Variants in PCDHA13 observed in about 807,000 individuals in gnomAD.
PCDHA13 encodes the protein protocadherin alpha 13.
A neutral mutation model predicts 64.8 loss-of-function variants in PCDHA13; 54 were observed. The ratio of observed to expected loss-of-function variants is 0.83; its 90% confidence interval spans 0.67 to 1.04. The LOEUF (loss-of-function observed/expected upper bound fraction) is 1.04. Ranked by LOEUF, PCDHA13 falls within the 50% of genes least tolerant of loss-of-function variation. The pLI, the probability that PCDHA13 is intolerant of heterozygous loss-of-function variation, is 0.00. For synonymous variants in PCDHA13, 587 were observed against 564.4 expected (o/e 1.04, Z -0.57); for missense variants, 1,248 against 1,254.3 (o/e 0.99, Z 0.08).
intron 1 of PCDHA13, among the ~76,000 whole-genome samples, chr5:140,889,342 A>G (rs1418641372): frequency 6.6e-6 from 1 of 152,018 alleles, no homozygotes; most frequent in East Asian, 1.9e-4. Context: ...GATTGGTGGG[A>G]ATATTTCTGA....
At chr5:140,989,315 C>T (rs1285439327) in intron 3 of PCDHA13, among the ~76,000 whole-genome samples, 1 of 152,130 alleles carries the variant, frequency 6.6e-6, no homozygotes, top group East Asian at 1.9e-4. Flanking sequence ...AGTAGGGTCT[C>T]ACCAACTTTG....
chr5:140,882,249 T>C lies in PCDHA13; in HGVS notation c.-20T>C, dbSNP rs1412428548. Reference sequence around the variant, plus strand: ...GCGTTGTATATATTGCAGATAGCTCTGAGGTTTTTGGAGTGTACCATGCTG... The same window carrying C: ...GCGTTGTATATATTGCAGATAGCTCCGAGGTTTTTGGAGTGTACCATGCTG... On this transcript the variant is annotated 5_prime_UTR_variant, in exon 1 of 4. Coordinates refer to ENST00000289272, the MANE Select transcript of PCDHA13 (RefSeq NM_018904.3). The C allele has an allele frequency of 6.3e-7, 1 of 1,595,264 alleles. No individual in the cohort carries two copies. The highest frequency in any genetic ancestry group is 8.5e-7 in the Non-Finnish European group (1 of 1,169,670).
chr5:140,929,085 G>A, intron 1 of PCDHA13: 1 of 1,614,174 alleles, frequency 6.2e-7, no homozygotes, highest in Non-Finnish European at 8.5e-7. Flanking sequence ...GAAGTAAGAT[G>A]GTTTCAAATC....
At chr5:140,905,669 A>T (rs781948009) in intron 1 of PCDHA13, among the ~76,000 whole-genome samples, 1 of 152,228 alleles carries the variant, frequency 6.6e-6, no homozygotes, top group Non-Finnish European at 1.5e-5. Flanking sequence ...ATCCATTAAC[A>T]TGGAACATAT....
chr5:140,922,162 A>G (rs2080680842), intron 1 of PCDHA13, among the ~76,000 whole-genome samples: 1 of 146,764 alleles, frequency 6.8e-6, no homozygotes, highest in African/African-American at 2.5e-5. Flanking sequence ...AAAAACAACA[A>G]AAAGTACAGC....
In PCDHA13 at chr5:140,927,920, T is replaced by C. The variant is rs782193396; in HGVS notation, c.2394+43258T>C. Reference sequence around the variant, plus strand: ...GATCATGCCCCCGAACTGGACTTCCTGACTCTTTCGAACCCAGTACCTGAG... The same window carrying C: ...GATCATGCCCCCGAACTGGACTTCCCGACTCTTTCGAACCCAGTACCTGAG... On this transcript the variant is annotated intron_variant, in intron 1 of 3. Transcript: ENST00000289272. 6.2e-6 allele frequency: 10 copies of C among 1,614,120 alleles called. No individual in the cohort carries two copies. In the South Asian group the frequency reaches 1.1e-4, roughly 18 times the overall value.
chr5:141,007,394 A>G (rs2098323051), intron 3 of PCDHA13, among the ~76,000 whole-genome samples: 16 of 86,170 alleles, frequency 1.9e-4, no homozygotes, highest in Non-Finnish European at 3.5e-4. Context: ...CTACTAAAAT[A>G]CAAAAAAAAA....
intron 1 of PCDHA13, chr5:140,928,757 G>A (rs372744198): frequency 6.2e-7 from 1 of 1,613,974 alleles, no homozygotes; most frequent in African/African-American, 1.3e-5. Flanking sequence ...CGTACTGCTC[G>A]CTTAGTTCTT....
chr5:140,982,413 G>A, intron 2 of PCDHA13, 62 bp from the exon 3 acceptor site: 2 of 1,609,608 alleles, frequency 1.2e-6, no homozygotes, highest in Non-Finnish European at 1.7e-6. Flanking sequence ...TTCTGAGGGT[G>A]GAAGAAGAGA....
chr5:140,990,198 C>T (rs954813003), intron 3 of PCDHA13, among the ~76,000 whole-genome samples: 5 of 151,968 alleles, frequency 3.3e-5, no homozygotes, highest in South Asian at 2.1e-4. Context: ...AATGTGGACC[C>T]GAAAGAGAAC....
At chr5:140,967,371 A>C in intron 1 of PCDHA13, 1 of 1,607,094 alleles carries the variant, frequency 6.2e-7, no homozygotes, top group Non-Finnish European at 8.5e-7. Context: ...CCCCTGCAGG[A>C]GAACAGTAAA....
At chr5:140,965,880 A>G (rs1414604415) in intron 1 of PCDHA13, among the ~76,000 whole-genome samples, 1 of 152,190 alleles carries the variant, frequency 6.6e-6, no homozygotes, top group Non-Finnish European at 1.5e-5. Context: ...CTTGGCCGAG[A>G]GCAGAATTGA....
At chr5:140,964,383 G>A (rs543441248) in intron 1 of PCDHA13, among the ~76,000 whole-genome samples, 1 of 152,142 alleles carries the variant, frequency 6.6e-6, no homozygotes, top group Non-Finnish European at 1.5e-5. Context: ...GAGAGTCCTG[G>A]TTTTTCTCCC....
At position 140,887,996 on chromosome 5, in the gene PCDHA13, AAT is replaced by A. The variant is rs1258672316; in HGVS notation, c.2394+3336_2394+3337del. 4.6e-5 allele frequency among the ~76,000 whole-genome samples: 7 copies of A among 152,330 alleles called. No individual in the cohort carries two copies. In the East Asian group the frequency reaches 7.7e-4, roughly 17 times the overall value. ...AAATTTATTTTACATGTCTCCACCGAATAGTCATCTTTTTATCTATATGTTTG... is the reference window on the plus strand; with the variant it reads ...AAATTTATTTTACATGTCTCCACCGAAGTCATCTTTTTATCTATATGTTTG... On this transcript the variant is annotated intron_variant, in intron 1 of 3. Coordinates refer to ENST00000289272, the MANE Select transcript of PCDHA13 (RefSeq NM_018904.3).
At chr5:140,985,712 A>G (rs1319708410) in intron 3 of PCDHA13, among the ~76,000 whole-genome samples, 2 of 148,826 alleles carry the variant, frequency 1.3e-5, no homozygotes, top group Non-Finnish European at 3.0e-5. Context: ...TGTTTCTTAA[A>G]GTTATTTTTC....
At chr5:140,920,713 G>A (rs140720388) in intron 1 of PCDHA13, among the ~76,000 whole-genome samples, 41 of 152,140 alleles carry the variant, frequency 2.7e-4, no homozygotes, top group African/African-American at 9.6e-4. Context: ...GCATGGTGGT[G>A]TGCGCCTGCA....
intron 1 of PCDHA13, among the ~76,000 whole-genome samples, chr5:140,899,684 G>T (rs1554188704): frequency 6.6e-6 from 1 of 152,154 alleles, no homozygotes; most frequent in African/African-American, 2.4e-5. Context: ...TCAGGATGAT[G>T]CTGGCCTCAT....
intron 1 of PCDHA13, chr5:140,926,634 T>C (rs2083423230): frequency 6.8e-6 from 3 of 438,778 alleles, no homozygotes; most frequent in Non-Finnish European, 1.2e-5. Context: ...GCTGCGCTCC[T>C]CAACACCCGG....
chr5:140,910,281 A>G (rs1198162778), intron 1 of PCDHA13, among the ~76,000 whole-genome samples: 4 of 151,152 alleles, frequency 2.6e-5, no homozygotes, highest in East Asian at 2.0e-4. Context: ...TAGGAACACC[A>G]TGATTAATCA....
Sources: gnomAD v4.1 joint callset for allele counts (sites outside exome capture counted in the v4.1 genomes callset) on GRCh38, gnomAD v4.1.1 for gene constraint, MANE v1.5 for transcripts, NCBI Gene and HGNC (gene_info 2026-07-23, HGNC 2026-07-21) for gene names.